The following NTNG1 variants were observed in gnomAD, a reference collection of about 807,000 sequenced individuals.
NTNG1 encodes netrin G1.
NTNG1 carries 16 observed loss-of-function variants against 54.0 expected under a neutral mutation model. The observed-to-expected ratio is 0.30, with a 90% CI of 0.20 to 0.45. The LOEUF (loss-of-function observed/expected upper bound fraction) is 0.45, where lower values mean the gene tolerates loss of function less well. Among genes scored for constraint, NTNG1 ranks in the 20% least tolerant of loss-of-function variants. The pLI is 1.00. For synonymous variants in NTNG1, 255 were observed against 263.1 expected, an observed-to-expected ratio of 0.97 and a Z score of 0.30; for missense variants, 530 against 678.7, an observed-to-expected ratio of 0.78 and a Z score of 2.43.
At chr1:107,388,953 T>C (rs1392307342) in intron 3 of NTNG1, among the ~76,000 whole-genome samples, 1 of 146,320 alleles carries the variant, frequency 6.8e-6, no homozygotes, top group African/African-American at 2.5e-5. Flanking sequence ...TCTAAAAGCA[T>C]TTGTATAGCT....
chr1:107,237,631 C>A (rs1173227168), intron 2 of NTNG1, among the ~76,000 whole-genome samples: 3 of 152,124 alleles, frequency 2.0e-5, no homozygotes, highest in Non-Finnish European at 4.4e-5. Context: ...GTGCTATGTG[C>A]AGCCTAGGGA....
intron 3 of NTNG1, among the ~76,000 whole-genome samples, chr1:107,380,931 G>A (rs1173722462): frequency 6.6e-6 from 1 of 152,018 alleles, no homozygotes; most frequent in Admixed American, 6.6e-5. Flanking sequence ...ACAAAAATGA[G>A]AAAATCTGAT....
intron 2 of NTNG1, among the ~76,000 whole-genome samples, chr1:107,304,774 T>C (rs1387227375): frequency 1.3e-5 from 2 of 152,034 alleles, no homozygotes; most frequent in Non-Finnish European, 2.9e-5. Context: ...GATACATACA[T>C]GTGCAGAACA....
intron 2 of NTNG1, among the ~76,000 whole-genome samples, chr1:107,207,015 C>T (rs1659245944): frequency 6.6e-6 from 1 of 152,016 alleles, no homozygotes; most frequent in Non-Finnish European, 1.5e-5. Flanking sequence ...TAGTAATTTT[C>T]TAAAAGGAAA....
At chr1:107,253,249 A>G (rs1279984978) in intron 2 of NTNG1, among the ~76,000 whole-genome samples, 1 of 152,144 alleles carries the variant, frequency 6.6e-6, no homozygotes, top group Non-Finnish European at 1.5e-5. Context: ...CCTGAGCCAC[A>G]TGTTTGTTAT....
chr1:107,208,232 C>T (rs1286518879), intron 2 of NTNG1, among the ~76,000 whole-genome samples: 1 of 151,940 alleles, frequency 6.6e-6, no homozygotes, highest in Non-Finnish European at 1.5e-5. Flanking sequence ...GAGTTTGAGA[C>T]CAGCCTGACC....
intron 2 of NTNG1, among the ~76,000 whole-genome samples, chr1:107,320,803 TCTC>T (rs1482664685): frequency 6.6e-6 from 1 of 151,906 alleles, no homozygotes; most frequent in East Asian, 1.9e-4. Context: ...AAATCACTAA[TCTC>T]CTAAAAGAGC....
At chr1:107,477,835 C>T (rs1678427896) in intron 7 of NTNG1, among the ~76,000 whole-genome samples, 2 of 152,094 alleles carry the variant, frequency 1.3e-5, no homozygotes, top group Non-Finnish European at 2.9e-5. Context: ...TAAAATATAG[C>T]AGGGTGCCTG....
intron 2 of NTNG1, among the ~76,000 whole-genome samples, chr1:107,189,484 G>T (rs751006056): frequency 6.6e-6 from 1 of 150,828 alleles, no homozygotes; most frequent in Non-Finnish European, 1.5e-5. Flanking sequence ...CGGGGGAGGG[G>T]TGTCAAAATT....
intron 5 of NTNG1, among the ~76,000 whole-genome samples, chr1:107,422,071 C>G (rs759681840): frequency 7.9e-5 from 12 of 152,024 alleles, no homozygotes; most frequent in Non-Finnish European, 1.5e-4. Flanking sequence ...AAAGTGGAAA[C>G]TGGTCAGGAA....
At chr1:107,164,877 C>T (rs917653299) in intron 2 of NTNG1, among the ~76,000 whole-genome samples, 6 of 152,276 alleles carry the variant, frequency 3.9e-5, no homozygotes, top group South Asian at 4.1e-4. Context: ...TGAATAATGG[C>T]GAGAGCATAC....
At chr1:107,216,492 G>A (rs1659967387) in intron 2 of NTNG1, among the ~76,000 whole-genome samples, 1 of 152,154 alleles carries the variant, frequency 6.6e-6, no homozygotes, top group African/African-American at 2.4e-5. Context: ...TCTCTGGAAT[G>A]AGACCCACTT....
chr1:107,357,899 C>T (rs1459118072), intron 3 of NTNG1, among the ~76,000 whole-genome samples: 1 of 152,060 alleles, frequency 6.6e-6, no homozygotes, highest in Non-Finnish European at 1.5e-5. Context: ...TAAAGTTGCA[C>T]TTGGTTTCAT....
intron 3 of NTNG1, among the ~76,000 whole-genome samples, chr1:107,343,428 C>A (rs1669025434): frequency 6.6e-6 from 1 of 152,034 alleles, no homozygotes; most frequent in Admixed American, 6.6e-5. Flanking sequence ...TGAAGATCTT[C>A]AAGCCCACAA....
chr1:107,201,524 C>A (rs547101339), intron 2 of NTNG1, among the ~76,000 whole-genome samples: 2 of 151,902 alleles, frequency 1.3e-5, no homozygotes, highest in East Asian at 3.9e-4. Flanking sequence ...GAAAAGATTG[C>A]CAAAGATGTT....
At chr1:107,410,670 T>C (rs1005530931) in intron 5 of NTNG1, 3 of 152,170 alleles carry the variant, frequency 2.0e-5, no homozygotes, top group Admixed American at 6.6e-5. Flanking sequence ...ATTATGCACT[T>C]ATAAGTAAAA....
At chr1:107,206,768 G>T (rs1199345522) in intron 2 of NTNG1, among the ~76,000 whole-genome samples, 1 of 152,178 alleles carries the variant, frequency 6.6e-6, no homozygotes, top group East Asian at 1.9e-4. Context: ...GTGTGAAGCT[G>T]TGTTGGTGGA....
At chr1:107,426,742 A>T (rs952228701) in intron 5 of NTNG1, among the ~76,000 whole-genome samples, 3 of 152,068 alleles carry the variant, frequency 2.0e-5, no homozygotes, top group Non-Finnish European at 4.4e-5. Flanking sequence ...ATTTGATAGG[A>T]ATTGCACTGA....
At chr1:107,288,048 C>G (rs1310398968) in intron 2 of NTNG1, among the ~76,000 whole-genome samples, 1 of 151,512 alleles carries the variant, frequency 6.6e-6, no homozygotes, top group South Asian at 2.1e-4. Flanking sequence ...GTGAGTGAAG[C>G]CTAAAGGAAG....
Sources: gnomAD v4.1 joint callset for allele counts (sites outside exome capture counted in the v4.1 genomes callset) on GRCh38, gnomAD v4.1.1 for gene constraint, MANE v1.5 for transcripts, NCBI Gene and HGNC (gene_info 2026-07-23, HGNC 2026-07-21) for gene names.